KCNIP1: variants seen among roughly 807,000 people sequenced by gnomAD.
KCNIP1 encodes the protein A-type potassium channel modulatory protein KCNIP1.
KCNIP1 carries 18 observed loss-of-function variants against 33.0 expected under a neutral mutation model. The ratio of observed to expected loss-of-function variants is 0.55; its 90% confidence interval spans 0.38 to 0.81. The LOEUF (loss-of-function observed/expected upper bound fraction) is 0.81. Among genes scored for constraint, KCNIP1 ranks in the 30% least tolerant of loss-of-function variants. KCNIP1 has a pLI of 0.00. For missense variants in KCNIP1, 238 were observed against 271.6 expected (o/e 0.88, Z 0.87); for synonymous variants, 93 against 98.3 (o/e 0.95, Z 0.32).
At chr5:170,657,991 T>C (rs969859190) in intron 1 of KCNIP1, among the ~76,000 whole-genome samples, 1 of 152,138 alleles carries the variant, frequency 6.6e-6, no homozygotes, top group African/African-American at 2.4e-5. Context: ...CTCATGAGGC[T>C]CTCTAAGAGG....
intron 1 of KCNIP1, among the ~76,000 whole-genome samples, chr5:170,381,105 T>C (rs1764220969): frequency 6.6e-6 from 1 of 152,232 alleles, no homozygotes; most frequent in Non-Finnish European, 1.5e-5. Context: ...CTGTCCATCC[T>C]GGGCCTAGTG....
At chr5:170,607,151 C>T (rs1327457403) in intron 1 of KCNIP1, among the ~76,000 whole-genome samples, 1 of 152,184 alleles carries the variant, frequency 6.6e-6, no homozygotes, top group African/African-American at 2.4e-5. Context: ...GTCTCTCATG[C>T]CCAAGGGTGT....
chr5:170,632,509 G>A (rs905534405), intron 1 of KCNIP1, among the ~76,000 whole-genome samples: 3 of 152,258 alleles, frequency 2.0e-5, no homozygotes, highest in African/African-American at 7.2e-5. Flanking sequence ...AGAGGCGGGA[G>A]ATGAGGAGGA....
At chr5:170,588,279 C>T (rs1032961850) in intron 1 of KCNIP1, among the ~76,000 whole-genome samples, 1 of 152,144 alleles carries the variant, frequency 6.6e-6, no homozygotes, top group Admixed American at 6.5e-5. Flanking sequence ...CAGAGAGGTG[C>T]AGTCAGTCAC....
At position 170,382,717 on chromosome 5, in the gene KCNIP1, G is replaced by T. The variant is rs968769227; in HGVS notation, c.88+28753G>T. The T allele has an allele frequency of 2.7e-5, 4 of 148,636 alleles. No homozygotes were observed. In the Admixed American group the frequency reaches 2.7e-4, roughly 10 times the overall value. The allele number at this position is 148,636 out of a possible 1,614,324, so 9.2% of individuals were successfully genotyped here. On this transcript the variant is annotated intron_variant, in intron 1 of 7. Transcript: ENST00000377360. ...CTTGTTGCCAGGCTGGAGTGCAATGGTGCAATCTCACCAAGAGCCTTTCTG... is the reference window on the plus strand; with the variant it reads ...CTTGTTGCCAGGCTGGAGTGCAATGTTGCAATCTCACCAAGAGCCTTTCTG...
intron 1 of KCNIP1, among the ~76,000 whole-genome samples, chr5:170,374,440 C>A (rs2113314431): frequency 6.6e-6 from 1 of 152,288 alleles, no homozygotes; most frequent in Non-Finnish European, 1.5e-5. Flanking sequence ...CCTCTGGTTG[C>A]AGCTTGGACT....
intron 1 of KCNIP1, among the ~76,000 whole-genome samples, chr5:170,641,593 G>C (rs1760562126): frequency 6.6e-6 from 1 of 152,236 alleles, no homozygotes. Flanking sequence ...TTTCATGCGT[G>C]GACTTCTGTC....
chr5:170,418,738 G>T (rs1014464140), intron 1 of KCNIP1, among the ~76,000 whole-genome samples: 1 of 152,042 alleles, frequency 6.6e-6, no homozygotes, highest in South Asian at 2.1e-4. Flanking sequence ...CAAAAAGCCC[G>T]TCCCACCTCC....
intron 1 of KCNIP1, among the ~76,000 whole-genome samples, chr5:170,592,934 C>T (rs1010321556): frequency 6.6e-6 from 1 of 152,014 alleles, no homozygotes; most frequent in Non-Finnish European, 1.5e-5. Context: ...TGCTTGCATT[C>T]CTCCTAGTTG....
intron 1 of KCNIP1, among the ~76,000 whole-genome samples, chr5:170,645,834 A>G (rs1019415606): frequency 3.9e-5 from 6 of 152,222 alleles, no homozygotes; most frequent in African/African-American, 1.4e-4. Context: ...GAAAATCCCA[A>G]AATACTTGGA....
intron 1 of KCNIP1, among the ~76,000 whole-genome samples, chr5:170,465,140 G>A (rs1756582375): frequency 6.6e-6 from 1 of 152,198 alleles, no homozygotes; most frequent in Non-Finnish European, 1.5e-5. Flanking sequence ...GACACCCAGA[G>A]CTGGCTGAGC....
At chr5:170,427,931 T>C (rs187987566) in intron 1 of KCNIP1, among the ~76,000 whole-genome samples, 41 of 152,296 alleles carry the variant, frequency 2.7e-4, no homozygotes, top group African/African-American at 9.9e-4. Flanking sequence ...CATTTAGTAT[T>C]TTCAGCATAT....
intron 7 of KCNIP1, among the ~76,000 whole-genome samples, chr5:170,735,287 G>A (rs904052692): frequency 1.3e-5 from 2 of 151,480 alleles, no homozygotes; most frequent in Admixed American, 6.6e-5. Context: ...TCAAATGTTC[G>A]GTATTAAGCA....
intron 1 of KCNIP1, among the ~76,000 whole-genome samples, chr5:170,538,305 G>A (rs1264237879): frequency 6.6e-6 from 1 of 152,128 alleles, no homozygotes; most frequent in Non-Finnish European, 1.5e-5. Context: ...AATTAAACAG[G>A]GGTGATTTTG....
intron 1 of KCNIP1, among the ~76,000 whole-genome samples, chr5:170,403,587 G>A (rs1422015313): frequency 6.6e-6 from 1 of 152,128 alleles, no homozygotes; most frequent in Non-Finnish European, 1.5e-5. Flanking sequence ...AAATGAAGTG[G>A]CCATCCTAAC....
At chr5:170,705,750 C>T (rs895950729) in intron 1 of KCNIP1, among the ~76,000 whole-genome samples, 1 of 152,122 alleles carries the variant, frequency 6.6e-6, no homozygotes, top group African/African-American at 2.4e-5. Context: ...TCTTCCTATA[C>T]TGAAGAGAAA....
At chr5:170,367,352 A>AGAAGGAAAGAAGGAAAGAAG (rs1561586696) in intron 1 of KCNIP1, among the ~76,000 whole-genome samples, 2 of 41,726 alleles carry the variant, frequency 4.8e-5, no homozygotes, top group Admixed American at 2.8e-4. Flanking sequence ...GGAAAGAAAA[A>AGAAGGAAAGAAGGAAAGAAG]GAAAGAAAGA....
chr5:170,554,935 T>TA, intron 1 of KCNIP1, among the ~76,000 whole-genome samples: 1 of 152,126 alleles, frequency 6.6e-6, no homozygotes. Context: ...ACACCAGCAT[T>TA]TGCACCAGGT....
intron 1 of KCNIP1, among the ~76,000 whole-genome samples, chr5:170,486,715 CAACT>C (rs984535846): frequency 9.2e-5 from 14 of 152,210 alleles, no homozygotes; most frequent in African/African-American, 3.1e-4. Flanking sequence ...AAAAATAACC[CAACT>C]AAGATTTGCT....
Sources: allele counts gnomAD v4.1 joint callset (sites outside exome capture counted in the v4.1 genomes callset), GRCh38; gene constraint gnomAD v4.1.1; transcripts MANE v1.5; gene names NCBI Gene and HGNC (gene_info 2026-07-23, HGNC 2026-07-21).